The following PCSK6 variants were observed in gnomAD, a reference collection of about 807,000 sequenced individuals.
PCSK6 encodes proprotein convertase subtilisin/kexin type 6, also known as paired basic amino acid cleaving enzyme 4.
Under a neutral mutation model 123.3 loss-of-function variants are expected in PCSK6, and 85 were observed. The observed-to-expected ratio is 0.69, with a 90% CI of 0.58 to 0.83. The LOEUF (loss-of-function observed/expected upper bound fraction) is 0.83. PCSK6 is among the 40% of genes least tolerant of loss of function. The pLI is 0.00. For missense variants in PCSK6, 1,191 were observed against 1,282.3 expected, an observed-to-expected ratio of 0.93 and a Z score of 1.09; for synonymous variants, 508 against 516.0, an observed-to-expected ratio of 0.98 and a Z score of 0.21.
chr15:101,347,338 A>G lies in PCSK6; in HGVS notation c.1859-15307T>C. Reference sequence around the variant, plus strand: ...CAAGATGGCTAGCAATAAAATGAGAACAGTTATGCTCTTGGGAAAAAAGAC... The same window carrying G: ...CAAGATGGCTAGCAATAAAATGAGAGCAGTTATGCTCTTGGGAAAAAAGAC... On this transcript the variant is annotated intron_variant, in intron 13 of 21. Transcript: ENST00000611716. 2.4e-6 allele frequency: 3 copies of G among 1,235,152 alleles called. No individual in the cohort carries two copies. In the South Asian group the frequency reaches 1.3e-4, roughly 52 times the overall value. The allele number at this position is 1,235,152 out of a possible 1,614,324, so 76.5% of individuals were successfully genotyped here.
chr15:101,401,728 G>A (rs1203451924), intron 6 of PCSK6, among the ~76,000 whole-genome samples: 1 of 152,204 alleles, frequency 6.6e-6, no homozygotes, highest in Non-Finnish European at 1.5e-5. Context: ...TAAAGGGTCT[G>A]GCACACAGTA....
Position 101,406,462 on chromosome 15 carries a change from T to C in PCSK6, c.824-7886A>G, listed in dbSNP as rs569668207. Among the ~76,000 whole-genome samples the C allele has an allele frequency of 3.3e-3, 501 of 152,380 alleles. 2 individuals carry two copies. The highest frequency in any genetic ancestry group is 6.6e-3 in the Admixed American group (101 of 15,310). On this transcript the variant is annotated intron_variant, in intron 6 of 21. Transcript: ENST00000611716. Reference sequence around the variant, plus strand: ...CCCAACACATTTTGCTCATTAGCCCTGGGTTTATTTTAGTAAGTCCACAGA... The same window carrying C: ...CCCAACACATTTTGCTCATTAGCCCCGGGTTTATTTTAGTAAGTCCACAGA...
chr15:101,436,585 C>T (rs1002221833), intron 2 of PCSK6, among the ~76,000 whole-genome samples: 4 of 152,202 alleles, frequency 2.6e-5, no homozygotes, highest in Admixed American at 2.6e-4. Flanking sequence ...CCAGGAGCCA[C>T]CAAGCTCCAA....
At chr15:101,366,753 C>T (rs745936944) in intron 12 of PCSK6, among the ~76,000 whole-genome samples, 3 of 152,150 alleles carry the variant, frequency 2.0e-5, no homozygotes, top group Non-Finnish European at 4.4e-5. Flanking sequence ...CAGACAGGGG[C>T]GGGGGTCCCC....
At chr15:101,397,939 C>T (rs959073631) in intron 7 of PCSK6, among the ~76,000 whole-genome samples, 8 of 152,358 alleles carry the variant, frequency 5.3e-5, no homozygotes, top group African/African-American at 1.4e-4. Context: ...GGGGACACCC[C>T]GACCACTGCT....
At chr15:101,376,058 C>A (rs2041730987) in intron 11 of PCSK6, among the ~76,000 whole-genome samples, 2 of 152,060 alleles carry the variant, frequency 1.3e-5, no homozygotes, top group Admixed American at 1.3e-4. Context: ...GTCTGTTTCA[C>A]AGTGTATTTA....
At position 101,398,498 on chromosome 15, in the gene PCSK6, A is replaced by G; in HGVS notation, c.902T>C (p.Ile301Thr). The G allele has an allele frequency of 6.2e-7, 1 of 1,613,928 alleles. No individual in the cohort carries two copies. The highest frequency in any genetic ancestry group is 8.5e-7 in the Non-Finnish European group (1 of 1,179,838). The change falls in exon 7 of 22, where the codon ATT becomes ACT. Residue 301 changes from isoleucine to threonine, a missense_variant. Physicochemically the swap from Ile to Thr is moderately conservative, Grantham distance 89. Around this residue, in one of 3 missense-constraint regions of PCSK6, gnomAD observed 357 missense variants for 484.5 expected, o/e 0.74. Transcript: ENST00000611716. This position sits in a 1 kb window ranked among gnomAD's most constrained non-coding sequence, Gnocchi z 4.6. The stretch of plus-strand genomic sequence containing the variant: ...GTCCGGCCCCCAGCTGGCACTGTAA[A>G]TGTCGATGTAGTTGGGTCTGATGCC... ...SLGIRPNYID[I>T]YSASWGPDDD...
chr15:101,310,249 G>A (rs2039825004), intron 20 of PCSK6, among the ~76,000 whole-genome samples: 1 of 152,224 alleles, frequency 6.6e-6, no homozygotes, highest in Admixed American at 6.5e-5. Flanking sequence ...CCTCTGCAGG[G>A]CCGAAAGCTG....
At chr15:101,451,695 G>C (rs1400223217) in intron 1 of PCSK6, among the ~76,000 whole-genome samples, 1 of 152,218 alleles carries the variant, frequency 6.6e-6, no homozygotes, top group Non-Finnish European at 1.5e-5. Context: ...ATCTGCCGAG[G>C]GCCTTGGCTT....
At position 101,331,985 on chromosome 15, in the gene PCSK6, G is replaced by T; in HGVS notation, c.1905C>A (p.His635Gln). Residue 635 changes from histidine (H) to glutamine (Q), a missense_variant, in exon 14 of 22, where the codon CAC (histidine) becomes CAA (glutamine). Transcript: ENST00000611716. ...WSLILYGTAE[H>Q]PYHTFSAHQS... ...GATGGGCACTGAAGGTGTGGTACGG[G>T]TGCTCTGCTGTGCCATACAGTATGA... The T allele has an allele frequency of 1.9e-6, 3 of 1,613,488 alleles. No individual in the cohort carries two copies. Among genetic ancestry groups the T allele is most frequent in the South Asian group, 1.1e-5 (1 of 90,980 alleles).
chr15:101,429,534 G>A (rs181782627), intron 5 of PCSK6, among the ~76,000 whole-genome samples: 30 of 152,188 alleles, frequency 2.0e-4, no homozygotes, highest in Non-Finnish European at 3.4e-4. Context: ...GGAGAGCTGC[G>A]ATCTGAACCT....
intron 11 of PCSK6, among the ~76,000 whole-genome samples, chr15:101,370,883 T>C (rs1467072472): frequency 2.6e-5 from 4 of 152,010 alleles, no homozygotes; most frequent in Non-Finnish European, 5.9e-5. Context: ...TGCTGTGGGG[T>C]GCACAGCACA....
chr15:101,434,570 C>T (rs1459692607), intron 2 of PCSK6, among the ~76,000 whole-genome samples: 2 of 152,250 alleles, frequency 1.3e-5, no homozygotes, highest in African/African-American at 4.8e-5. Context: ...CTGAGGGGGA[C>T]TGTGATAGCC....
At chr15:101,424,647 A>G (rs1257799982) in intron 6 of PCSK6, among the ~76,000 whole-genome samples, 3 of 152,256 alleles carry the variant, frequency 2.0e-5, no homozygotes, top group Non-Finnish European at 1.5e-5. Context: ...ATTTCTTGTC[A>G]TAAGTAGTTT....
At chr15:101,330,125 A>C (rs2040343057) in intron 15 of PCSK6, among the ~76,000 whole-genome samples, 1 of 152,088 alleles carries the variant, frequency 6.6e-6, no homozygotes, top group Non-Finnish European at 1.5e-5. Context: ...AAAGTTGTCC[A>C]CCTTCAGAAC....
At chr15:101,483,945 G>A (rs1367892871) in intron 1 of PCSK6, among the ~76,000 whole-genome samples, 7 of 152,172 alleles carry the variant, frequency 4.6e-5, no homozygotes, top group African/African-American at 9.7e-5. Flanking sequence ...AGCACCATGC[G>A]GTAGGTGTAC....
chr15:101,347,157 C>T, intron 13 of PCSK6: 1 of 1,231,754 alleles, frequency 8.1e-7, no homozygotes, highest in Non-Finnish European at 1.0e-6. Context: ...TAGTGACAAA[C>T]TTGAAAGCCG....
At chr15:101,332,197 A>G (rs1449986333) in intron 13 of PCSK6, among the ~76,000 whole-genome samples, 166 bp from the exon 14 acceptor site, 1 of 152,162 alleles carries the variant, frequency 6.6e-6, no homozygotes, top group Non-Finnish European at 1.5e-5. Context: ...TGCCCAGGCC[A>G]CATGCTGCTT....
intron 1 of PCSK6, among the ~76,000 whole-genome samples, chr15:101,474,826 C>G (rs1428904492): frequency 6.6e-6 from 1 of 152,222 alleles, no homozygotes; most frequent in Non-Finnish European, 1.5e-5. Context: ...AGCTCCCCAC[C>G]ACTGCCTACC....
Sources: allele counts gnomAD v4.1 joint callset (sites outside exome capture counted in the v4.1 genomes callset), GRCh38; gene constraint gnomAD v4.1.1; regional missense constraint gnomAD v4.1.1; non-coding constraint Gnocchi (gnomAD v3.1); transcripts MANE v1.5; gene names NCBI Gene and HGNC (gene_info 2026-07-23, HGNC 2026-07-21).